The following ZBTB7A variants were observed in gnomAD, a reference collection of about 807,000 sequenced individuals.
ZBTB7A encodes the protein zinc finger and BTB domain-containing protein 7A.
ZBTB7A carries 7 observed loss-of-function variants against 26.7 expected under a neutral mutation model. The ratio of observed to expected loss-of-function variants is 0.26; its 90% CI spans 0.15 to 0.49. ZBTB7A has a LOEUF of 0.49. Among genes scored for constraint, ZBTB7A ranks in the 20% least tolerant of loss-of-function variants. ZBTB7A has a pLI of 0.98. For missense variants in ZBTB7A, 617 were observed against 919.5 expected (o/e 0.67, Z 4.25); for synonymous variants, 452 against 441.0 (o/e 1.02, Z -0.31).
At chr19:4,058,784 C>T (rs987601241) in intron 1 of ZBTB7A, among the ~76,000 whole-genome samples, 2 of 152,238 alleles carry the variant, frequency 1.3e-5, no homozygotes, top group African/African-American at 4.8e-5. Flanking sequence ...ACCCAAAGCC[C>T]AGGGCCCTCA....
Position 4,054,329 on chromosome 19 carries a change from C to T in ZBTB7A, c.904G>A (p.Glu302Lys). ...TCGGGCCCGTCCCCGTCCTCGCCCT[C>T]GGCCGCTCCCGACAGGAAGCCCGGA... ...DSPGFLSGAAEGEDGDGPDVD... is the reference protein window; with the variant it reads ...DSPGFLSGAAKGEDGDGPDVD... Residue 302 changes from glutamate to lysine, a missense_variant, in exon 2 of 3, where the codon GAG becomes AAG. Glu to Lys is a moderately conservative substitution (Grantham distance 56, BLOSUM62 1). Transcript: ENST00000322357. 1 of 1,512,910 alleles carries T rather than the reference C, an allele frequency of 6.6e-7. No individual in the cohort carries two copies. The highest frequency in any genetic ancestry group is 8.8e-7 in the Non-Finnish European group (1 of 1,138,056). The allele number at this position is 1,512,910 out of a possible 1,614,324, so 93.7% of individuals were successfully genotyped here.
At position 4,054,133 on chromosome 19, in the gene ZBTB7A, G is replaced by T; in HGVS notation, c.1100C>A (p.Ala367Asp). Residue 367 changes from alanine (A) to aspartate (D), a missense_variant, in exon 2 of 3, where the codon GCC (alanine) becomes GAC (aspartate). Ala to Asp is a moderately radical substitution (Grantham distance 126). Coordinates refer to ENST00000322357, the MANE Select transcript of ZBTB7A (RefSeq NM_015898.4). ...SGAHDGDVYP[A>D]WSQKVEKKIR... ...CTTCTTCTCCACCTTCTGCGACCAG[G>T]CCGGGTAGACGTCGCCGTCGTGGGC... is the stretch of plus-strand genomic sequence containing the variant. 1 of 1,606,200 alleles carries T rather than the reference G, an allele frequency of 6.2e-7. No homozygotes were observed.
At chr19:4,059,416 C>A (rs1481802086) in intron 1 of ZBTB7A, among the ~76,000 whole-genome samples, 2 of 152,152 alleles carry the variant, frequency 1.3e-5, no homozygotes, top group Admixed American at 1.3e-4. Flanking sequence ...CAGCCTGGGA[C>A]CCTCTCTTGG....
At chr19:4,057,842 C>G (rs896699640) in intron 1 of ZBTB7A, among the ~76,000 whole-genome samples, 2 of 152,076 alleles carry the variant, frequency 1.3e-5, no homozygotes, top group Non-Finnish European at 2.9e-5. Flanking sequence ...CAGTTCCACC[C>G]GAACCCCACC....
chr19:4,054,984 C>T lies in ZBTB7A; in HGVS notation c.249G>A (p.Glu83=), dbSNP rs1269353705. ...CGAAGTCCATGAGCGCGGTGAGCGC[C>T]TCGGCGCTGACGAAGTCGATCTCGT... The part of the protein sequence containing the change: ...NVYEIDFVSA[E]ALTALMDFAY... Residue 83 remains glutamate (E), a synonymous_variant, in exon 2 of 3, where the codon GAG becomes GAA. Transcript: ENST00000322357. The T allele has an allele frequency of 3.1e-6, 5 of 1,611,904 alleles. No individual in the cohort carries two copies. Among genetic ancestry groups the T allele is most frequent in the African/African-American group, 1.3e-5 (1 of 74,896 alleles).
At chr19:4,061,382 C>T (rs953764733) in intron 1 of ZBTB7A, among the ~76,000 whole-genome samples, 1 of 152,162 alleles carries the variant, frequency 6.6e-6, no homozygotes, top group African/African-American at 2.4e-5. Context: ...GCCCCCTCCC[C>T]GCCCAGCGGC....
At chr19:4,049,119 C>T (rs556969428) in intron 2 of ZBTB7A, among the ~76,000 whole-genome samples, 1 of 137,548 alleles carries the variant, frequency 7.3e-6, no homozygotes, top group Non-Finnish European at 1.6e-5. Context: ...CACGCACCAC[C>T]ACACCCTATT....
intron 2 of ZBTB7A, 66 bp downstream of exon 2, chr19:4,053,905 G>A (rs2040536474): frequency 4.6e-6 from 7 of 1,513,742 alleles, no homozygotes; most frequent in Non-Finnish European, 6.2e-6. Context: ...GAGGCGGGAG[G>A]GGTCGTGAGC....
chr19:4,059,330 G>A (rs1219356271), intron 1 of ZBTB7A, among the ~76,000 whole-genome samples: 1 of 152,116 alleles, frequency 6.6e-6, no homozygotes, highest in African/African-American at 2.4e-5. Context: ...GTGGCTCAGC[G>A]ACCTCCTGCA....
Position 4,054,377 on chromosome 19 carries a change from C to A in ZBTB7A, c.856G>T (p.Ala286Ser). ...GGAGAGTCGCCCGGCTCGGGGGCCG[C>A]CTCCGACAGCGAGGCGGCCTCCTCC... is the stretch of plus-strand genomic sequence containing the variant. ...GEEEAASLSE[A>S]APEPGDSPGF... The change falls in exon 2 of 3, where the codon GCG becomes TCG. Residue 286 changes from alanine to serine, a missense_variant. Ala to Ser is a moderately conservative substitution (Grantham distance 99). Coordinates refer to ENST00000322357, the MANE Select transcript of ZBTB7A (RefSeq NM_015898.4). 7.0e-7 allele frequency: 1 copy of A among 1,432,086 alleles called. No homozygotes were observed. Among genetic ancestry groups the A allele is most frequent in the South Asian group, 1.4e-5 (1 of 72,238 alleles). 88.7% of individuals were successfully genotyped at this position (1,432,086 alleles called of 1,614,324 possible).
At chr19:4,053,368 C>T (rs1033976231) in intron 2 of ZBTB7A, among the ~76,000 whole-genome samples, 5 of 152,092 alleles carry the variant, frequency 3.3e-5, no homozygotes, top group South Asian at 2.1e-4. Flanking sequence ...TGTCTGTTTG[C>T]GTGTGTGTGC....
At chr19:4,051,906 GCCTGGGTAAT>G (rs2040508030) in intron 2 of ZBTB7A, among the ~76,000 whole-genome samples, 1 of 152,098 alleles carries the variant, frequency 6.6e-6, no homozygotes, top group African/African-American at 2.4e-5. Context: ...CCGAGCCCCA[GCCTGGGTAAT>G]TATAGCCCCG....
At position 4,048,020 on chromosome 19, in the gene ZBTB7A, C is replaced by A; in HGVS notation, c.1487G>T (p.Arg496Leu). 6.7e-7 allele frequency: 1 copy of A among 1,492,698 alleles called. No individual in the cohort carries two copies. The highest frequency in any genetic ancestry group is 1.3e-5 in the South Asian group (1 of 78,696). The allele number at this position is 1,492,698 out of a possible 1,614,324, so 92.5% of individuals were successfully genotyped here. Residue 496 changes from arginine to leucine, a missense_variant, in exon 3 of 3, where the codon CGC becomes CTC. Coordinates refer to ENST00000322357, the MANE Select transcript of ZBTB7A (RefSeq NM_015898.4). This position sits in a 1 kb window ranked among gnomAD's most constrained non-coding sequence, Gnocchi z 6.7. ...KKDGCNGVPSRRGRKPRVRGG... is the reference protein window; with the variant it reads ...KKDGCNGVPSLRGRKPRVRGG... ...CCGGACGCGGGGCTTGCGGCCGCGG[C>A]GCGAGGGGACGCCGTTGCAGCCGTC...
chr19:4,054,130 C>G lies in ZBTB7A; in HGVS notation c.1103G>C (p.Trp368Ser), dbSNP rs1325374728. 6.2e-7 allele frequency: 1 copy of G among 1,606,754 alleles called. No individual in the cohort carries two copies. Among genetic ancestry groups the G allele is most frequent in the East Asian group, 2.2e-5 (1 of 44,868 alleles). ...GATCTTCTTCTCCACCTTCTGCGAC[C>G]AGGCCGGGTAGACGTCGCCGTCGTG... is the stretch of plus-strand genomic sequence containing the variant. ...GAHDGDVYPA[W>S]SQKVEKKIRA... The change falls in exon 2 of 3, where the codon TGG (tryptophan) becomes TCG (serine). Residue 368 changes from tryptophan (W) to serine (S), a missense_variant. By Grantham distance (177) the Trp-to-Ser change is radical. Transcript: ENST00000322357.
intron 2 of ZBTB7A, among the ~76,000 whole-genome samples, chr19:4,051,637 C>T (rs1486405018): frequency 6.6e-6 from 1 of 152,252 alleles, no homozygotes; most frequent in Non-Finnish European, 1.5e-5. Context: ...GGTCTGTTAC[C>T]AGCCTCCAGG....
At chr19:4,053,417 G>A (rs1410095833) in intron 2 of ZBTB7A, among the ~76,000 whole-genome samples, 2 of 152,198 alleles carry the variant, frequency 1.3e-5, no homozygotes, top group African/African-American at 2.4e-5. Context: ...GCATGCATGT[G>A]CATGTATGTG....
rs1475667654 is a variant in ZBTB7A, at chr19:4,054,586, C to A, written c.647G>T (p.Gly216Val). 1.3e-6 allele frequency: 2 copies of A among 1,560,174 alleles called. No homozygotes were observed. The highest frequency in any genetic ancestry group is 1.4e-5 in the African/African-American group (1 of 73,490). ...GGGGCCCGGCCCATAGAAGTCTAAG[C>A]CGTTGCAGTCGCCCGCGGCCACGGC... ...VAAVAAGDCN[G>V]LDFYGPGPPA... Residue 216 changes from glycine (G) to valine (V), a missense_variant, in exon 2 of 3, where the codon GGC becomes GTC. Gly to Val is a moderately radical substitution (Grantham distance 109, BLOSUM62 -3). This residue lies in a region of ZBTB7A where 331 missense variants were observed against 391.3 expected (regional missense o/e 0.85). Transcript: ENST00000322357.
intron 1 of ZBTB7A, chr19:4,065,732 A>T: frequency 1.9e-5 from 2 of 105,364 alleles, no homozygotes; most frequent in Admixed American, 8.0e-5. Flanking sequence ...GAGCGCGGGG[A>T]GGGTGACCCC....
intron 2 of ZBTB7A, among the ~76,000 whole-genome samples, chr19:4,049,212 A>G (rs1404944908): frequency 1.7e-4 from 4 of 23,298 alleles, no homozygotes; most frequent in Non-Finnish European, 7.0e-4. Flanking sequence ...ATATATATGT[A>G]AGTTTGAGAG....
Sources: allele counts gnomAD v4.1 joint callset (sites outside exome capture counted in the v4.1 genomes callset), GRCh38; gene constraint gnomAD v4.1.1; regional missense constraint gnomAD v4.1.1; non-coding constraint Gnocchi (gnomAD v3.1); transcripts MANE v1.5; gene names NCBI Gene and HGNC (gene_info 2026-07-23, HGNC 2026-07-21).